NRXN1: variants seen among roughly 807,000 people sequenced by gnomAD.
The protein encoded by NRXN1 is neurexin-1.
A neutral mutation model predicts 150.9 loss-of-function variants in NRXN1; 39 were observed. That is an observed-to-expected ratio of 0.26 (90% confidence interval 0.20 to 0.34). The LOEUF (loss-of-function observed/expected upper bound fraction) is 0.34. Among genes scored for constraint, NRXN1 ranks in the 10% least tolerant of loss-of-function variants. The probability of loss-of-function intolerance (pLI) is 1.00; values close to 1 mark genes in which losing one functional copy is unlikely to be tolerated. For synonymous variants in NRXN1, 924 were observed against 757.0 expected (o/e 1.22, Z -3.62); for missense variants, 1,815 against 1,949.9 (o/e 0.93, Z 1.30).
At chr2:50,909,042 T>C (rs1282561981) in intron 5 of NRXN1, among the ~76,000 whole-genome samples, 1 of 152,052 alleles carries the variant, frequency 6.6e-6, no homozygotes, top group African/African-American at 2.4e-5. Context: ...GGTGGAGAAA[T>C]ATATTTATAG....
At chr2:50,967,063 A>G (rs1694223279) in intron 2 of NRXN1, among the ~76,000 whole-genome samples, 1 of 151,974 alleles carries the variant, frequency 6.6e-6, no homozygotes. Flanking sequence ...ATCATTTTAA[A>G]TAATAAAAGT....
chr2:50,078,961 G>A lies in NRXN1; in HGVS notation c.3718+12362C>T, dbSNP rs191221033. ...ATTTTGGTATCTATTAGGGAATCCC[G>A]ACTTCAACAATTTTTACATTGGGAT... On this transcript the variant is annotated intron_variant, in intron 19 of 22. Coordinates refer to ENST00000401669, the MANE Select transcript of NRXN1 (RefSeq NM_001330078.2). 1.4e-4 allele frequency among the ~76,000 whole-genome samples: 22 copies of A among 152,010 alleles called. No homozygotes were observed. In the East Asian group the frequency reaches 3.1e-3, roughly 21 times the overall value.
chr2:50,636,383 C>T (rs1683247823), intron 5 of NRXN1, among the ~76,000 whole-genome samples: 1 of 152,164 alleles, frequency 6.6e-6, no homozygotes, highest in African/African-American at 2.4e-5. Context: ...CTCATTTTCC[C>T]TCCTGGCAAA....
intron 17 of NRXN1, among the ~76,000 whole-genome samples, chr2:50,315,176 T>A (rs1282486902): frequency 6.6e-6 from 1 of 152,060 alleles, no homozygotes; most frequent in Non-Finnish European, 1.5e-5. Context: ...TGAGCTTTTT[T>A]TTCCCCCTGT....
intron 17 of NRXN1, among the ~76,000 whole-genome samples, chr2:50,403,156 C>T (rs1007091384): frequency 3.3e-5 from 5 of 152,068 alleles, no homozygotes; most frequent in Admixed American, 6.6e-5. Flanking sequence ...TACCTTTGAA[C>T]AATGTATGTT....
Position 50,320,283 on chromosome 2 carries a change from C to CTTATAT in NRXN1, c.3365-83314_3365-83313insATATAA, listed in dbSNP as rs1178411507. Among the ~76,000 whole-genome samples, 249 of 43,044 alleles carry CTTATAT rather than the reference C, an allele frequency of 5.8e-3. 10 individuals are homozygous for CTTATAT. Among genetic ancestry groups the CTTATAT allele is most frequent in the African/African-American group, 0.013 (227 of 17,086 alleles). The allele number at this position is 43,044 out of a possible 152,430, so 28.2% of individuals were successfully genotyped here. The stretch of plus-strand genomic sequence containing the variant: ...TATTCATTTATTCTTATACCTCAAT[C>CTTATAT]ATATATATATATATATATATATATA... On this transcript the variant is annotated intron_variant, in intron 17 of 22. Coordinates refer to ENST00000401669, the MANE Select transcript of NRXN1 (RefSeq NM_001330078.2).
chr2:50,355,344 A>G (rs115763726), intron 17 of NRXN1, among the ~76,000 whole-genome samples: 488 of 151,192 alleles, frequency 3.2e-3, no homozygotes, highest in Non-Finnish European at 5.4e-3. Context: ...TCTGATGTCA[A>G]TACTATAGAT....
chr2:50,500,895 T>C (rs776129364), intron 13 of NRXN1, among the ~76,000 whole-genome samples: 2 of 152,184 alleles, frequency 1.3e-5, no homozygotes, highest in Non-Finnish European at 2.9e-5. Flanking sequence ...TTGTGTGGTA[T>C]ATGTGTCCGG....
chr2:50,619,928 TG>T, intron 8 of NRXN1, 93 bp downstream of exon 8: 1 of 1,171,704 alleles, frequency 8.5e-7, no homozygotes, highest in Non-Finnish European at 1.2e-6. Flanking sequence ...CGTTTGACTC[TG>T]GAACATCGGG....
In NRXN1 at chr2:50,169,648, G is replaced by A. The variant is rs909678478; in HGVS notation, c.3546+67141C>T. On this transcript the variant is annotated intron_variant, in intron 18 of 22. Coordinates refer to ENST00000401669, the MANE Select transcript of NRXN1 (RefSeq NM_001330078.2). ...GAATTGCTTGAACCCAGGAGCGGAG[G>A]TTGCAGTGAGCGGAGAATGCGCCAC... 2.0e-5 allele frequency among the ~76,000 whole-genome samples: 3 copies of A among 150,732 alleles called. No homozygotes were observed. The South Asian group carries it at 6.3e-4, about 32-fold the overall frequency.
intron 18 of NRXN1, among the ~76,000 whole-genome samples, chr2:50,224,693 A>AAGAGAGAGAGAGAGAGAGAG (rs201700032): frequency 7.7e-5 from 10 of 130,444 alleles, no homozygotes; most frequent in East Asian, 2.5e-4. Flanking sequence ...GAGAGGGAGA[A>AAGAGAGAGAGAGAGAGAGAG]AGAGAGAGAG....
chr2:50,573,742 AAAT>A (rs3052541), intron 8 of NRXN1, among the ~76,000 whole-genome samples: 156 of 148,164 alleles, frequency 1.1e-3, no homozygotes, highest in Admixed American at 2.2e-3. Context: ...AGATATTTGA[AAAT>A]AATAATAATA....
chr2:50,461,555 C>T (rs990958856), intron 17 of NRXN1, among the ~76,000 whole-genome samples: 1 of 151,952 alleles, frequency 6.6e-6, no homozygotes, highest in Non-Finnish European at 1.5e-5. Context: ...TTGTGTAGCA[C>T]ACTGGTGTGA....
chr2:50,428,426 A>T (rs2084678874), intron 17 of NRXN1, among the ~76,000 whole-genome samples: 1 of 152,200 alleles, frequency 6.6e-6, no homozygotes, highest in Non-Finnish European at 1.5e-5. Context: ...CACACAAAAA[A>T]GGTAAATTGT....
chr2:50,192,604 T>A (rs1421785427), intron 18 of NRXN1, among the ~76,000 whole-genome samples: 2 of 151,768 alleles, frequency 1.3e-5, no homozygotes, highest in African/African-American at 4.9e-5. Flanking sequence ...AATATATACT[T>A]TTTTTTGGGG....
chr2:50,639,222 C>CT lies in NRXN1; in HGVS notation c.833-15608dup, dbSNP rs34380621. 6.7e-3 allele frequency among the ~76,000 whole-genome samples: 924 copies of CT among 137,362 alleles called. 6 individuals carry two copies. The highest frequency in any genetic ancestry group is 0.013 in the African/African-American group (456 of 36,060). The allele number at this position is 137,362 out of a possible 152,430, so 90.1% of individuals were successfully genotyped here. ...CATTTTTTTCTTTCTTTCTTTCTTT[C>CT]TTTTTTTTTTTTTTTTGAGACAGAT... On this transcript the variant is annotated intron_variant, in intron 5 of 22. Coordinates refer to ENST00000401669, the MANE Select transcript of NRXN1 (RefSeq NM_001330078.2).
In NRXN1 at chr2:50,783,637, TCA is replaced by T. The variant is rs567256629; in HGVS notation, c.832+138230_832+138231del. On this transcript the variant is annotated intron_variant, in intron 5 of 22. Transcript: ENST00000401669. ...ATCTTTTCCACATTGTATCCACTATTCACAGTGAATTGCTACTAAGAACATTT... is the reference window on the plus strand; with the variant it reads ...ATCTTTTCCACATTGTATCCACTATTCAGTGAATTGCTACTAAGAACATTT... 1.1e-4 allele frequency among the ~76,000 whole-genome samples: 17 copies of T among 152,272 alleles called. No individual in the cohort carries two copies. The East Asian group carries it at 2.5e-3, about 22-fold the overall frequency.
intron 17 of NRXN1, among the ~76,000 whole-genome samples, chr2:50,402,576 T>G (rs1238953629): frequency 6.6e-6 from 1 of 152,136 alleles, no homozygotes; most frequent in Non-Finnish European, 1.5e-5. Context: ...GTAGTAGCTT[T>G]CGGAGAGCAA....
chr2:50,226,435 G>A (rs1486907122), intron 18 of NRXN1, among the ~76,000 whole-genome samples: 1 of 151,974 alleles, frequency 6.6e-6, no homozygotes, highest in Non-Finnish European at 1.5e-5. Context: ...ACATCTGACT[G>A]TATTTCTAGT....
Sources: allele counts gnomAD v4.1 joint callset (sites outside exome capture counted in the v4.1 genomes callset), GRCh38; gene constraint gnomAD v4.1.1; transcripts MANE v1.5; gene names NCBI Gene and HGNC (gene_info 2026-07-23, HGNC 2026-07-21).